RABAC1: variants seen among roughly 807,000 people sequenced by gnomAD.
RABAC1 encodes the protein prenylated Rab acceptor protein 1.
In RABAC1, 16 loss-of-function variants were observed where a neutral mutation model predicts 22.9. The ratio of observed to expected loss-of-function variants is 0.70; its 90% CI spans 0.47 to 1.06. The LOEUF is 1.06. Among genes scored for constraint, RABAC1 ranks in the 50% least tolerant of loss-of-function variants. The probability of loss-of-function intolerance (pLI) is 0.00; values close to 1 mark genes in which losing one functional copy is unlikely to be tolerated. For missense variants in RABAC1, 227 were observed against 246.5 expected (o/e 0.92, Z 0.53); for synonymous variants, 139 against 107.7 (o/e 1.29, Z -1.80).
intron 3 of RABAC1, 89 bp downstream of exon 3, chr19:41,958,197 G>C: frequency 7.7e-7 from 1 of 1,305,392 alleles, no homozygotes; most frequent in South Asian, 1.3e-5. Flanking sequence ...GGTTTTGAAG[G>C]ACTTGGATTT....
rs2075004847 is a variant in RABAC1 at position 41,959,221 on chromosome 19, G to C, written c.56+16C>G. ...CCCGGGTCTCTGGTCCGAGGGCCTA[G>C]AGCCAGCTCGCTCACGTGCCGCTCA... On this transcript the variant is annotated intron_variant, in intron 1 of 4. Coordinates refer to ENST00000222008, the MANE Select transcript of RABAC1 (RefSeq NM_006423.3). 19 of 1,613,210 alleles carry C rather than the reference G, an allele frequency of 1.2e-5. No homozygotes were observed. The highest frequency in any genetic ancestry group is 1.6e-5 in the Non-Finnish European group (19 of 1,179,914).
rs891343049 is a variant in RABAC1, at chr19:41,958,314, G to C, written c.339C>G (p.Arg113=). The change falls in exon 3 of 5, where the codon CGC becomes CGG. Residue 113 remains arginine (R), a synonymous_variant. Transcript: ENST00000222008. ...AGAGCACAAGCTTGGACTCCAAGGTGCGCAGATAGAGAATGTAACAGGCGC... is the reference window on the plus strand; with the variant it reads ...AGAGCACAAGCTTGGACTCCAAGGTCCGCAGATAGAGAATGTAACAGGCGC... ...FFGACYILYL[R]TLESKLVLFG... 1.9e-6 allele frequency: 3 copies of C among 1,613,330 alleles called. No individual in the cohort carries two copies. The highest frequency in any genetic ancestry group is 2.7e-5 in the African/African-American group (2 of 75,056).
chr19:41,957,068 A>T lies in RABAC1; in HGVS notation c.419T>A (p.Phe140Tyr). The change falls in exon 4 of 5, where the codon TTC (phenylalanine) becomes TAC (tyrosine). Residue 140 changes from phenylalanine to tyrosine, a missense_variant. Coordinates refer to ENST00000222008, the MANE Select transcript of RABAC1 (RefSeq NM_006423.3). ...HQYALAGGIS[F>Y]PFFWLAGAGS... ...CGCACCAGCCAGCCAGAAGAAGGGG[A>T]AGGAGATGCCTCCAGCCAGAGCATA... 6.2e-7 allele frequency: 1 copy of T among 1,613,848 alleles called. No individual in the cohort carries two copies. The highest frequency in any genetic ancestry group is 8.5e-7 in the Non-Finnish European group (1 of 1,180,000).
Position 41,958,124 on chromosome 19 carries a change from G to A in RABAC1, c.367+162C>T. On this transcript the variant is annotated intron_variant, in intron 3 of 4. Coordinates refer to ENST00000222008, the MANE Select transcript of RABAC1 (RefSeq NM_006423.3). ...GAGACTCGATGGAAGGATCGGTTGT[G>A]TCTGAGATTTTAAGGGATCAGGTTT... The A allele has an allele frequency of 7.8e-6, 5 of 642,290 alleles. No individual in the cohort carries two copies. The South Asian group carries it at 9.4e-5, about 12-fold the overall frequency. 39.8% of individuals were successfully genotyped at this position (642,290 alleles called of 1,614,324 possible).
chr19:41,958,457 A>C (rs2074999996), intron 2 of RABAC1, 74 bp from the exon 3 acceptor site: 1 of 1,419,504 alleles, frequency 7.0e-7, no homozygotes, highest in Admixed American at 1.9e-5. Flanking sequence ...GGCCTTCTCC[A>C]CCGGCGGGCG....
In RABAC1 at chr19:41,956,813, G is replaced by A. The variant is rs376456206; in HGVS notation, c.*33C>T. 4 of 1,571,380 alleles carry A rather than the reference G, an allele frequency of 2.5e-6. No individual in the cohort carries two copies. In the African/African-American group the frequency reaches 5.4e-5, roughly 21 times the overall value. On this transcript the variant is annotated 3_prime_UTR_variant, in exon 5 of 5. Coordinates refer to ENST00000222008, the MANE Select transcript of RABAC1 (RefSeq NM_006423.3). ...AGGCATGGGCAGGGGTGGGGCAGCT[G>A]GCCCGGGAGGCCGGCAGGTCCCAGA...
intron 2 of RABAC1, 58 bp from the exon 3 acceptor site, chr19:41,958,441 G>T: frequency 1.3e-6 from 2 of 1,503,478 alleles, no homozygotes; most frequent in African/African-American, 1.4e-5. Flanking sequence ...CCAGCCCGAC[G>T]GCCCTGGCCT....
In RABAC1 at chr19:41,958,823, C is replaced by G. The variant is rs782366225; in HGVS notation, c.182G>C (p.Gly61Ala). The change falls in exon 2 of 5, where the codon GGA (glycine) becomes GCA (alanine). Residue 61 changes from glycine to alanine, a missense_variant. By Grantham distance (60) the Gly-to-Ala change is moderately conservative. Transcript: ENST00000222008. ...GCGTACGAGGCGCTGGCACAGCTCT[C>G]CCAGGTTGCGGGGCCGTGAGAAGCG... ...QQRFSRPRNL[G>A]ELCQRLVRNV... 1.3e-5 allele frequency: 21 copies of G among 1,611,008 alleles called. No individual in the cohort carries two copies. Among genetic ancestry groups the G allele is most frequent in the Non-Finnish European group, 1.8e-5 (21 of 1,179,836 alleles).
Position 41,959,276 on chromosome 19 carries a change from TC to T in RABAC1, c.16del (p.Asp6ThrfsTer11). On this transcript the variant is annotated frameshift_variant, in exon 1 of 5. Transcript: ENST00000222008. LOFTEE classifies it high-confidence loss of function. ...TTCCGCCTCGGCATCTTTCTGCTGG[TC>T]CTTCTGCGCTGCCATGTCTGCGTCG... The part of the protein sequence containing the change: MAAQK[D>X]QQKDAEAEGL... 1 of 1,613,668 alleles carries T rather than the reference TC, an allele frequency of 6.2e-7. No individual in the cohort carries two copies.
At chr19:41,958,545 T>C (rs2075000516) in intron 2 of RABAC1, among the ~76,000 whole-genome samples, 162 bp from the exon 3 acceptor site, 1 of 151,896 alleles carries the variant, frequency 6.6e-6, no homozygotes, top group South Asian at 2.1e-4. Context: ...GATGGTGGGG[T>C]AGGGGACCTG....
chr19:41,957,275 T>G, intron 3 of RABAC1, 156 bp from the exon 4 acceptor site: 1 of 630,398 alleles, frequency 1.6e-6, no homozygotes, highest in Non-Finnish European at 2.8e-6. Context: ...GGTCACCCTG[T>G]TCCCCTGCTG....
intron 3 of RABAC1, among the ~76,000 whole-genome samples, chr19:41,957,658 C>T (rs1356802962): frequency 6.6e-6 from 1 of 152,190 alleles, no homozygotes; most frequent in Non-Finnish European, 1.5e-5. Flanking sequence ...CCCTCCACCC[C>T]AGCCCATCAA....
intron 3 of RABAC1, chr19:41,957,575 C>T (rs2074995655): frequency 6.0e-6 from 1 of 166,590 alleles, no homozygotes; most frequent in South Asian, 1.4e-4. Flanking sequence ...TCATAGAAGT[C>T]TCAGGGATGG....
chr19:41,958,232 C>T (rs983336389), intron 3 of RABAC1, 54 bp downstream of exon 3: 7 of 1,530,218 alleles, frequency 4.6e-6, no homozygotes, highest in Admixed American at 1.9e-5. Flanking sequence ...GTCTGCATTC[C>T]AAAAGACCAA....
intron 2 of RABAC1, 150 bp downstream of exon 2, chr19:41,958,586 C>T (rs2075000714): frequency 5.0e-6 from 5 of 994,456 alleles, no homozygotes; most frequent in South Asian, 4.7e-5. Flanking sequence ...TCTAGCAGAG[C>T]CAATCCTTGG....
In RABAC1 at chr19:41,957,124, G is replaced by A; in HGVS notation, c.368-5C>T. 6.2e-7 allele frequency: 1 copy of A among 1,612,710 alleles called. No homozygotes were observed. The highest frequency in any genetic ancestry group is 2.2e-5 in the East Asian group (1 of 44,854). ...GCGCTGGGCTCACCTCTCGGCCTGG[G>A]GGCAGATGGCATTGGGGTGCTGTTC... On this transcript the variant is annotated splice_region_variant and splice_polypyrimidine_tract_variant and intron_variant, in intron 3 of 4. Transcript: ENST00000222008.
chr19:41,958,772 T>C lies in RABAC1; in HGVS notation c.233A>G (p.Tyr78Cys), dbSNP rs782518003. 1 of 1,613,050 alleles carries C rather than the reference T, an allele frequency of 6.2e-7. No individual in the cohort carries two copies. Among genetic ancestry groups the C allele is most frequent in the South Asian group, 1.1e-5 (1 of 91,056 alleles). Residue 78 changes from tyrosine (Y) to cysteine (C), a missense_variant, in exon 2 of 5, where the codon TAT becomes TGT. Coordinates refer to ENST00000222008, the MANE Select transcript of RABAC1 (RefSeq NM_006423.3). ...GATGAGGCCCAGGAACACGAACACA[T>C]AGTTGCTCTGGTAGTACTCCACGTT... is the stretch of plus-strand genomic sequence containing the variant. ...VRNVEYYQSN[Y>C]VFVFLGLILY...
chr19:41,958,444 C>G lies in RABAC1; in HGVS notation c.270-61G>C. 2.7e-6 allele frequency: 4 copies of G among 1,496,648 alleles called. 1 individual carries two copies. The South Asian group carries it at 4.7e-5, about 17-fold the overall frequency. The allele number at this position is 1,496,648 out of a possible 1,614,324, so 92.7% of individuals were successfully genotyped here. ...GCTGGGGCTGGGCCAGCCCGACGGC[C>G]CTGGCCTTCTCCACCGGCGGGCGGC... On this transcript the variant is annotated intron_variant, in intron 2 of 4. Coordinates refer to ENST00000222008, the MANE Select transcript of RABAC1 (RefSeq NM_006423.3).
At chr19:41,957,342 C>A (rs2074994761) in intron 3 of RABAC1, 1 of 554,040 alleles carries the variant, frequency 1.8e-6, no homozygotes, top group Admixed American at 3.2e-5. Flanking sequence ...GCCCCACCCT[C>A]TGCCCTCTGC....
Sources: allele counts gnomAD v4.1 joint callset (sites outside exome capture counted in the v4.1 genomes callset), GRCh38; gene constraint gnomAD v4.1.1; transcripts MANE v1.5; gene names NCBI Gene and HGNC (gene_info 2026-07-23, HGNC 2026-07-21).